MAML2: variants seen among roughly 807,000 people sequenced by gnomAD.
The protein encoded by MAML2 is mastermind like transcriptional coactivator 2.
MAML2 carries 22 observed loss-of-function variants against 96.1 expected under a neutral mutation model. The ratio of observed to expected loss-of-function variants is 0.23; its 90% CI spans 0.16 to 0.33. The LOEUF is 0.33. MAML2 is among the 10% of genes least tolerant of loss of function. The probability of loss-of-function intolerance (pLI) is 1.00; values close to 1 mark genes in which losing one functional copy is unlikely to be tolerated. For missense variants in MAML2, 1,367 were observed against 1,392.4 expected, an observed-to-expected ratio of 0.98 and a Z score of 0.29; for synonymous variants, 561 against 521.3, an observed-to-expected ratio of 1.08 and a Z score of -1.04.
chr11:96,247,270 C>G (rs1490182744), intron 1 of MAML2, among the ~76,000 whole-genome samples: 2 of 152,086 alleles, frequency 1.3e-5, no homozygotes, highest in South Asian at 2.1e-4. Flanking sequence ...AAAGAGGGCA[C>G]AGACAGCTCA....
intron 1 of MAML2, among the ~76,000 whole-genome samples, chr11:96,266,794 T>G (rs1334777467): frequency 6.6e-6 from 1 of 152,204 alleles, no homozygotes; most frequent in Non-Finnish European, 1.5e-5. Flanking sequence ...CTTATGTGGT[T>G]AGGTATGTTT....
intron 1 of MAML2, among the ~76,000 whole-genome samples, chr11:96,127,215 G>T (rs1860455682): frequency 6.6e-6 from 1 of 152,008 alleles, no homozygotes; most frequent in Non-Finnish European, 1.5e-5. Flanking sequence ...ATGCTAACAG[G>T]TTGGCCAATA....
intron 1 of MAML2, among the ~76,000 whole-genome samples, chr11:96,158,282 A>C (rs990862297): frequency 1.3e-5 from 2 of 152,222 alleles, no homozygotes; most frequent in East Asian, 3.8e-4. Flanking sequence ...TTTCCCTAAC[A>C]CAGTGGACCA....
intron 2 of MAML2, among the ~76,000 whole-genome samples, chr11:96,083,332 TGA>T (rs1465207091): frequency 1.3e-5 from 2 of 152,216 alleles, no homozygotes. Flanking sequence ...GCCTTCAGGA[TGA>T]GAGAAAAAAA....
intron 1 of MAML2, among the ~76,000 whole-genome samples, chr11:96,285,579 A>T (rs1288250259): frequency 1.3e-5 from 2 of 152,198 alleles, no homozygotes; most frequent in Non-Finnish European, 2.9e-5. Flanking sequence ...TATCCATCTG[A>T]CAAAGGTCTA....
chr11:96,109,189 C>G (rs1401885614), intron 1 of MAML2, among the ~76,000 whole-genome samples: 3 of 152,076 alleles, frequency 2.0e-5, no homozygotes, highest in Non-Finnish European at 4.4e-5. Flanking sequence ...TAAGTAGGCC[C>G]TCAGAGAACT....
intron 2 of MAML2, among the ~76,000 whole-genome samples, chr11:96,021,610 G>A (rs1858436038): frequency 1.3e-5 from 2 of 152,296 alleles, no homozygotes; most frequent in South Asian, 2.1e-4. Context: ...AGCCACTTGA[G>A]GACTCGCTTT....
intron 2 of MAML2, among the ~76,000 whole-genome samples, chr11:96,031,164 T>C: frequency 6.6e-6 from 1 of 152,232 alleles, no homozygotes; most frequent in Admixed American, 6.5e-5. Flanking sequence ...GTAAAGTACC[T>C]GGCATGAATA....
intron 1 of MAML2, among the ~76,000 whole-genome samples, chr11:96,312,088 A>AG (rs2136004918): frequency 6.6e-6 from 1 of 152,010 alleles, no homozygotes; most frequent in East Asian, 1.9e-4. Context: ...GCATGATAGC[A>AG]GGGGCCTGTA....
intron 1 of MAML2, among the ~76,000 whole-genome samples, chr11:96,206,374 G>T (rs902341864): frequency 1.9e-4 from 29 of 152,306 alleles, no homozygotes; most frequent in African/African-American, 5.8e-4. Context: ...GAGGCGGGCA[G>T]ATCACGAAGT....
chr11:96,275,979 A>G (rs1484078500), intron 1 of MAML2, among the ~76,000 whole-genome samples: 1 of 152,144 alleles, frequency 6.6e-6, no homozygotes, highest in Admixed American at 6.5e-5. Flanking sequence ...CGACTGGAAA[A>G]TGTCTAGCAT....
chr11:96,082,585 C>T (rs749709740), intron 2 of MAML2, among the ~76,000 whole-genome samples: 9 of 152,050 alleles, frequency 5.9e-5, no homozygotes, highest in African/African-American at 7.2e-5. Flanking sequence ...AGGTCGAGCC[C>T]CAGGAAATGA....
intron 1 of MAML2, among the ~76,000 whole-genome samples, chr11:96,173,780 T>A (rs533542860): frequency 6.6e-6 from 1 of 152,340 alleles, no homozygotes; most frequent in South Asian, 2.1e-4. Flanking sequence ...CCAACATCAT[T>A]ATGTACTCCT....
chr11:96,045,847 T>TC (rs1338475088), intron 2 of MAML2, among the ~76,000 whole-genome samples: 1 of 150,998 alleles, frequency 6.6e-6, no homozygotes, highest in Non-Finnish European at 1.5e-5. Context: ...GGATTTTTTT[T>TC]CCCTCGTAAC....
At chr11:96,001,660 T>C (rs113911391) in intron 2 of MAML2, among the ~76,000 whole-genome samples, 20 of 152,176 alleles carry the variant, frequency 1.3e-4, no homozygotes, top group African/African-American at 4.8e-4. Context: ...ACCGCAAACG[T>C]TGGTATTTAT....
In MAML2 at chr11:95,978,145, A is replaced by T. The variant is rs997433651; in HGVS notation, c.*803T>A. ...TATAGCAATGTCCACTGGGTTTTTT[A>T]AAAAAGTGAAATCTAATGCAGAGAG... On this transcript the variant is annotated 3_prime_UTR_variant, in exon 5 of 5. Coordinates refer to ENST00000524717, the MANE Select transcript of MAML2 (RefSeq NM_032427.4). 3 of 212,400 alleles carry T rather than the reference A, an allele frequency of 1.4e-5. No homozygotes were observed. Among genetic ancestry groups the T allele is most frequent in the Admixed American group, 5.9e-5 (1 of 17,040 alleles). 13.2% of individuals were successfully genotyped at this position (212,400 alleles called of 1,614,324 possible).
chr11:96,048,201 C>T, intron 2 of MAML2, among the ~76,000 whole-genome samples: 1 of 152,116 alleles, frequency 6.6e-6, no homozygotes, highest in East Asian at 1.9e-4. Context: ...TAAAAGGTTG[C>T]TGACACCCCC....
intron 2 of MAML2, among the ~76,000 whole-genome samples, chr11:96,062,485 G>T (rs2135780076): frequency 6.6e-6 from 1 of 152,300 alleles, no homozygotes; most frequent in Admixed American, 6.5e-5. Flanking sequence ...ACATGGTAAT[G>T]ATTTACAATT....
intron 1 of MAML2, among the ~76,000 whole-genome samples, chr11:96,289,357 C>G (rs1194621439): frequency 6.6e-6 from 1 of 152,190 alleles, no homozygotes; most frequent in Non-Finnish European, 1.5e-5. Context: ...TAGGCAGACT[C>G]TTATTGTCAA....
Sources: gnomAD v4.1 joint callset for allele counts (sites outside exome capture counted in the v4.1 genomes callset) on GRCh38, gnomAD v4.1.1 for gene constraint, MANE v1.5 for transcripts, NCBI Gene and HGNC (gene_info 2026-07-23, HGNC 2026-07-21) for gene names.